The following PRKG1 variants were observed in gnomAD, a reference collection of about 807,000 sequenced individuals.
PRKG1 encodes protein kinase cGMP-dependent 1, also known as cGMP-dependent protein kinase 1.
A neutral mutation model predicts 88.1 loss-of-function variants in PRKG1; 35 were observed. The observed-to-expected ratio is 0.40, with a 90% CI of 0.30 to 0.53. The LOEUF (loss-of-function observed/expected upper bound fraction) is 0.53, where lower values mean the gene tolerates loss of function less well. Among genes scored for constraint, PRKG1 ranks in the 20% least tolerant of loss-of-function variants. PRKG1 has a pLI of 0.59. For missense variants in PRKG1, 540 were observed against 839.8 expected, an observed-to-expected ratio of 0.64 and a Z score of 4.41; for synonymous variants, 303 against 292.5, an observed-to-expected ratio of 1.04 and a Z score of -0.37.
Position 51,153,346 on chromosome 10 carries a change from C to G in PRKG1, c.478+16C>G. 4.4e-6 allele frequency: 7 copies of G among 1,574,782 alleles called. No homozygotes were observed. The highest frequency in any genetic ancestry group is 6.0e-6 in the Non-Finnish European group (7 of 1,157,488). On this transcript the variant is annotated intron_variant, in intron 2 of 17. Transcript: ENST00000373980. ...GTCATGGAAGGTACGGTTTGTAACT[C>G]CAATCCTCTGACATTCAAATATTCT... is the stretch of plus-strand genomic sequence containing the variant.
intron 1 of PRKG1, among the ~76,000 whole-genome samples, chr10:51,037,636 T>C (rs1204583070): frequency 6.6e-6 from 1 of 151,668 alleles, no homozygotes; most frequent in Admixed American, 6.6e-5. Flanking sequence ...ATACAAAAAT[T>C]AGCCAGGCAT....
chr10:51,013,104 G>A (rs529479580), intron 1 of PRKG1, among the ~76,000 whole-genome samples: 3 of 152,326 alleles, frequency 2.0e-5, no homozygotes, highest in African/African-American at 7.2e-5. Context: ...AGGTAGTAAA[G>A]GTTAGAGGTT....
intron 3 of PRKG1, among the ~76,000 whole-genome samples, chr10:51,723,616 AC>A (rs1289480984): frequency 8.1e-6 from 1 of 123,922 alleles, no homozygotes; most frequent in African/African-American, 2.8e-5. Context: ...TTAAAGCATG[AC>A]AAAAAAAAAG....
chr10:51,735,811 C>A, intron 3 of PRKG1, among the ~76,000 whole-genome samples: 1 of 143,734 alleles, frequency 7.0e-6, no homozygotes, highest in African/African-American at 2.6e-5. Context: ...GTTTTCTATC[C>A]CTGGTTGTGT....
chr10:51,316,217 T>A (rs758283585), intron 2 of PRKG1, among the ~76,000 whole-genome samples: 3 of 152,178 alleles, frequency 2.0e-5, no homozygotes, highest in Non-Finnish European at 2.9e-5. Flanking sequence ...GTATGGAGAC[T>A]CTCAGAGCTA....
chr10:51,592,812 A>G (rs1838346281), intron 3 of PRKG1, among the ~76,000 whole-genome samples: 1 of 152,172 alleles, frequency 6.6e-6, no homozygotes. Context: ...ACCAGTTTGT[A>G]TGCTACATCT....
chr10:52,154,918 T>A (rs1838048786), intron 8 of PRKG1, among the ~76,000 whole-genome samples: 1 of 152,192 alleles, frequency 6.6e-6, no homozygotes, highest in Non-Finnish European at 1.5e-5. Flanking sequence ...CTGAGTTACC[T>A]CACTTAGAAT....
intron 4 of PRKG1, among the ~76,000 whole-genome samples, chr10:51,885,648 C>T (rs7909767): frequency 0.42 from 63,332 of 151,976 alleles, 13,527 homozygotes; most frequent in East Asian, 0.62. Flanking sequence ...ACCTTTAATA[C>T]GCTGTTTCAC....
At position 51,617,385 on chromosome 10, in the gene PRKG1, G is replaced by A. The variant is rs555175792; in HGVS notation, c.592+149549G>A. Among the ~76,000 whole-genome samples the A allele has an allele frequency of 2.2e-4, 33 of 152,080 alleles. No homozygotes were observed. In the South Asian group the frequency reaches 6.9e-3, roughly 32 times the overall value. On this transcript the variant is annotated intron_variant, in intron 3 of 17. Coordinates refer to ENST00000373980, the MANE Select transcript of PRKG1 (RefSeq NM_006258.4). ...CGCTATTTTGGTTTTTAGGGGAGGA[G>A]GTAAGCACTGGTGGTAGCAGCAGGG...
intron 3 of PRKG1, among the ~76,000 whole-genome samples, chr10:51,519,008 C>T (rs1462118375): frequency 6.6e-6 from 1 of 152,094 alleles, no homozygotes; most frequent in Admixed American, 6.5e-5. Flanking sequence ...TGAAGGAAGC[C>T]ATGTGCTCTG....
chr10:52,024,664 C>A (rs1326520097), intron 5 of PRKG1, among the ~76,000 whole-genome samples: 2 of 152,100 alleles, frequency 1.3e-5, no homozygotes, highest in Non-Finnish European at 2.9e-5. Flanking sequence ...TGAACTCATC[C>A]TTTTTTATGG....
Position 51,359,864 on chromosome 10 carries a change from A to G in PRKG1, c.479-107859A>G, listed in dbSNP as rs572699216. On this transcript the variant is annotated intron_variant, in intron 2 of 17. Coordinates refer to ENST00000373980, the MANE Select transcript of PRKG1 (RefSeq NM_006258.4). The stretch of plus-strand genomic sequence containing the variant: ...TTATAGAACTAGTTCTTTAATGCAG[A>G]TATGTCAGACTGGTATTAAATTCTG... 1.2e-4 allele frequency among the ~76,000 whole-genome samples: 19 copies of G among 152,068 alleles called. No individual in the cohort carries two copies. The East Asian group carries it at 3.1e-3, about 25-fold the overall frequency.
chr10:51,738,153 G>A (rs1246989577), intron 3 of PRKG1, among the ~76,000 whole-genome samples: 3 of 152,116 alleles, frequency 2.0e-5, no homozygotes, highest in African/African-American at 4.8e-5. Flanking sequence ...TTGGTCAAAC[G>A]TTGCCTGTTT....
At chr10:51,841,666 CAAAA>C (rs1840278179) in intron 4 of PRKG1, among the ~76,000 whole-genome samples, 1 of 151,356 alleles carries the variant, frequency 6.6e-6, no homozygotes, top group Non-Finnish European at 1.5e-5. Flanking sequence ...AAAAAAAGAC[CAAAA>C]TATGGTTTTT....
At chr10:51,244,327 CCATTTATATTGT>C (rs1301245640) in intron 2 of PRKG1, among the ~76,000 whole-genome samples, 1 of 123,862 alleles carries the variant, frequency 8.1e-6, no homozygotes, top group Non-Finnish European at 1.7e-5. Flanking sequence ...TTTTTTTTTA[CCATTTATATTGT>C]CAAGGTGAAT....
intron 9 of PRKG1, among the ~76,000 whole-genome samples, chr10:52,244,746 A>C (rs1589729663): frequency 6.9e-6 from 1 of 144,664 alleles, no homozygotes; most frequent in South Asian, 2.1e-4. Flanking sequence ...ATATATATTT[A>C]AATATATATT....
At chr10:51,804,444 GAT>G in intron 3 of PRKG1, 139 bp from the exon 4 acceptor site, 2 of 622,990 alleles carry the variant, frequency 3.2e-6, no homozygotes, top group South Asian at 4.0e-5. Flanking sequence ...ATAGCATTGT[GAT>G]ATTAGCTTTA....
In PRKG1 at chr10:52,262,906, A is replaced by G. The variant is rs61276082; in HGVS notation, c.1174-8444A>G. On this transcript the variant is annotated intron_variant, in intron 10 of 17. Transcript: ENST00000373980. ...CTGTATTGTTTAGGGAATAATGACA[A>G]GAAAAATGTCTATATATGTTCACCT... Among the ~76,000 whole-genome samples the G allele has an allele frequency of 8.0e-3, 1,218 of 152,250 alleles. 16 individuals carry two copies. Among genetic ancestry groups the G allele is most frequent in the African/African-American group, 0.028 (1,156 of 41,568 alleles).
At chr10:52,002,573 C>G (rs929306332) in intron 5 of PRKG1, among the ~76,000 whole-genome samples, 1 of 152,090 alleles carries the variant, frequency 6.6e-6, no homozygotes, top group Admixed American at 6.6e-5. Context: ...GTGACTCACC[C>G]TCAAGATTGC....
Sources: gnomAD v4.1 joint callset for allele counts (sites outside exome capture counted in the v4.1 genomes callset) on GRCh38, gnomAD v4.1.1 for gene constraint, MANE v1.5 for transcripts, NCBI Gene and HGNC (gene_info 2026-07-23, HGNC 2026-07-21) for gene names.